Variants in NOC3L observed in about 807,000 individuals in gnomAD.
NOC3L encodes NOC3 like DNA replication regulator.
In NOC3L, 85 loss-of-function variants were observed where a neutral mutation model predicts 102.5. The ratio of observed to expected loss-of-function variants is 0.83; its 90% CI spans 0.70 to 0.99. The LOEUF (loss-of-function observed/expected upper bound fraction) is 0.99. Among genes scored for constraint, NOC3L ranks in the 50% least tolerant of loss-of-function variants. The pLI, the probability that NOC3L is intolerant of heterozygous loss-of-function variation, is 0.00. For missense variants in NOC3L, 878 were observed against 914.9 expected (o/e 0.96, Z 0.52); for synonymous variants, 303 against 309.4 (o/e 0.98, Z 0.22).
At chr10:94,319,889 A>AGAT in the NOC3L span, among the ~76,000 whole-genome samples, 1 of 39,462 alleles carries the variant, frequency 2.5e-5, no homozygotes, top group Non-Finnish European at 5.6e-5. Flanking sequence ...TTTTTTTTTG[A>AGAT]GATGGAGTCT....
intron 3 of NOC3L, 188 bp downstream of exon 3, chr10:94,357,895 G>C: frequency 1.8e-6 from 1 of 567,688 alleles, no homozygotes; most frequent in Non-Finnish European, 3.1e-6. Flanking sequence ...AAAGAAAGAT[G>C]TACATTAAAT....
chr10:94,347,891 G>A (rs778068177), intron 10 of NOC3L, among the ~76,000 whole-genome samples: 2 of 151,878 alleles, frequency 1.3e-5, no homozygotes, highest in Non-Finnish European at 2.9e-5. Flanking sequence ...TTTGAGGGAA[G>A]GAAGTGAAAA....
Position 94,341,701 on chromosome 10 carries a change from A to G in NOC3L, c.1616T>C (p.Val539Ala). The G allele has an allele frequency of 6.4e-7, 1 of 1,567,764 alleles. No individual in the cohort carries two copies. The highest frequency in any genetic ancestry group is 8.7e-7 in the Non-Finnish European group (1 of 1,153,532). Residue 539 changes from valine to alanine, a missense_variant, in exon 14 of 21, where the codon GTA (valine) becomes GCA (alanine). By Grantham distance (64) the Val-to-Ala change is moderately conservative (BLOSUM62 0). Coordinates refer to ENST00000371361, the MANE Select transcript of NOC3L (RefSeq NM_022451.11). ...INVEFFDDLLVVLHTLIESGD... is the reference protein window; with the variant it reads ...INVEFFDDLLAVLHTLIESGD... Reference sequence around the variant, plus strand: ...AGACTCAATGAGAGTATGAAGAACTACTAACAGATCATCAAAAAATTCCAC... The same window carrying G: ...AGACTCAATGAGAGTATGAAGAACTGCTAACAGATCATCAAAAAATTCCAC...
the NOC3L span, among the ~76,000 whole-genome samples, chr10:94,318,038 A>G: frequency 2.6e-5 from 4 of 152,156 alleles, no homozygotes; most frequent in African/African-American, 9.7e-5. Context: ...TTCACTTTCT[A>G]GTCACAGTGA....
At position 94,334,442 on chromosome 10, in the gene NOC3L, C is replaced by T. The variant is rs570470520; in HGVS notation, c.2275-137G>A. On this transcript the variant is annotated intron_variant, in intron 20 of 20. Coordinates refer to ENST00000371361, the MANE Select transcript of NOC3L (RefSeq NM_022451.11). Reference sequence around the variant, plus strand: ...GACAGATGCTTGGTAAGGTCTTGGACATATCCTATATTGAACGAACAGTTT... The same window carrying T: ...GACAGATGCTTGGTAAGGTCTTGGATATATCCTATATTGAACGAACAGTTT... 15 of 664,350 alleles carry T rather than the reference C, an allele frequency of 2.3e-5. No individual in the cohort carries two copies. The African/African-American group carries it at 2.5e-4, about 11-fold the overall frequency. 41.2% of individuals were successfully genotyped at this position (664,350 alleles called of 1,614,324 possible). A position where few individuals can be genotyped will look rare whatever the true frequency, so the allele number is the denominator to read the frequency against.
intron 3 of NOC3L, 96 bp from the exon 4 acceptor site, chr10:94,357,427 A>G (rs551171369): frequency 1.9e-6 from 2 of 1,073,712 alleles, no homozygotes; most frequent in African/African-American, 3.2e-5. Context: ...CCACCAGCCA[A>G]CTTTCAATAG....
chr10:94,338,583 A>G (rs1372791582), intron 18 of NOC3L, 25 bp downstream of exon 18: 22 of 1,481,758 alleles, frequency 1.5e-5, no homozygotes, highest in Non-Finnish European at 2.0e-5. Flanking sequence ...ATCCCCAAAA[A>G]GAAAAAAACC....
intron 6 of NOC3L, among the ~76,000 whole-genome samples, chr10:94,354,262 T>C (rs1564916435): frequency 1.3e-5 from 2 of 152,366 alleles, no homozygotes; most frequent in East Asian, 1.9e-4. Flanking sequence ...TATAATAGTA[T>C]GCTGGGGACA....
the NOC3L span, chr10:94,322,112 GAACAA>G: frequency 2.0e-6 from 3 of 1,536,560 alleles, no homozygotes; most frequent in South Asian, 3.4e-5. Flanking sequence ...TAAATTATTG[GAACAA>G]ATGTCTGTGC....
chr10:94,350,178 G>C lies in NOC3L; in HGVS notation c.1063C>G (p.His355Asp). 1 of 1,614,168 alleles carries C rather than the reference G, an allele frequency of 6.2e-7. No homozygotes were observed. Among genetic ancestry groups the C allele is most frequent in the Non-Finnish European group, 8.5e-7 (1 of 1,180,014 alleles). ...SLCELLVALP[H>D]FNFHNNIIVL... The stretch of plus-strand genomic sequence containing the variant: ...ATGATGTTGTTGTGAAAGTTAAAAT[G>C]AGGTAGTGCCACCAACAGCTCACAC... Residue 355 changes from histidine (H) to aspartate (D), a missense_variant, in exon 9 of 21, where the codon CAT (histidine) becomes GAT (aspartate). Physicochemically the swap from His to Asp is moderately conservative, Grantham distance 81. Transcript: ENST00000371361.
chr10:94,350,749 G>T (rs919699750), intron 8 of NOC3L, among the ~76,000 whole-genome samples: 2 of 147,654 alleles, frequency 1.4e-5, no homozygotes, highest in African/African-American at 5.0e-5. Context: ...AAGAAAAAAA[G>T]ACTTCATAAT....
chr10:94,340,946 A>G (rs904029174), intron 14 of NOC3L, among the ~76,000 whole-genome samples: 3 of 149,762 alleles, frequency 2.0e-5, no homozygotes, highest in African/African-American at 7.4e-5. Context: ...ACGCCACTGC[A>G]CTCCAGCCTG....
the NOC3L span, chr10:94,322,133 T>C: frequency 7.3e-7 from 1 of 1,376,530 alleles, no homozygotes; most frequent in African/African-American, 1.4e-5. Context: ...TGTGCACTGA[T>C]GGCTCATTTT....
chr10:94,353,042 C>T lies in NOC3L; in HGVS notation c.712G>A (p.Glu238Lys). The change falls in exon 7 of 21, where the codon GAA becomes AAA. Residue 238 changes from glutamate to lysine, a missense_variant. By Grantham distance (56) the Glu-to-Lys change is moderately conservative (BLOSUM62 1). Transcript: ENST00000371361. ...DPENNIKKLK[E>K]LRSMLMEQDP... is the part of the protein sequence containing the mutation. ...TGTTCCATCAACATAGAACGTAATT[C>T]TTTCAATTTTTTAATCTGTTAAAGA... is the stretch of plus-strand genomic sequence containing the variant. 6 of 1,603,878 alleles carry T rather than the reference C, an allele frequency of 3.7e-6. No individual in the cohort carries two copies. Among genetic ancestry groups the T allele is most frequent in the Non-Finnish European group, 5.1e-6 (6 of 1,177,350 alleles).
At chr10:94,341,467 C>G (rs2054284682) in intron 14 of NOC3L, among the ~76,000 whole-genome samples, 1 of 151,278 alleles carries the variant, frequency 6.6e-6, no homozygotes, top group Non-Finnish European at 1.5e-5. Context: ...AGACAACCCT[C>G]CTGCTTAAAA....
intron 13 of NOC3L, among the ~76,000 whole-genome samples, chr10:94,342,850 C>T (rs1350840401): frequency 6.6e-6 from 1 of 151,920 alleles, no homozygotes; most frequent in African/African-American, 2.4e-5. Context: ...TTTGGGAGGC[C>T]GAGGCGGATG....
At chr10:94,337,720 G>T in intron 19 of NOC3L, 57 bp downstream of exon 19, 3 of 1,146,104 alleles carry the variant, frequency 2.6e-6, no homozygotes, top group South Asian at 2.6e-5. Flanking sequence ...TCTTCTCATA[G>T]TAAGTGGCTA....
chr10:94,351,754 C>G (rs1461612070), intron 8 of NOC3L, among the ~76,000 whole-genome samples: 1 of 151,394 alleles, frequency 6.6e-6, no homozygotes, highest in African/African-American at 2.4e-5. Flanking sequence ...TCTCAAACTC[C>G]TAGCTTCGAG....
the NOC3L span, chr10:94,324,900 A>T: frequency 6.2e-7 from 1 of 1,614,126 alleles, no homozygotes; most frequent in Non-Finnish European, 8.5e-7. Flanking sequence ...AGGCATCTCG[A>T]GAAGATAAAA....
Sources: gnomAD v4.1 joint callset for allele counts (sites outside exome capture counted in the v4.1 genomes callset) on GRCh38, gnomAD v4.1.1 for gene constraint, MANE v1.5 for transcripts, NCBI Gene and HGNC (gene_info 2026-07-23, HGNC 2026-07-21) for gene names.